ATM: variants seen among roughly 807,000 people sequenced by gnomAD.
ATM encodes serine-protein kinase ATM.
A neutral mutation model predicts 387.0 loss-of-function variants in ATM; 308 were observed. The observed-to-expected ratio is 0.80, with a 90% CI of 0.73 to 0.87. The LOEUF (loss-of-function observed/expected upper bound fraction) is 0.87, where lower values mean the gene tolerates loss of function less well. ATM is among the 40% of genes least tolerant of loss of function. ATM has a pLI of 0.00. For missense variants in ATM, 3,312 were observed against 3,560.9 expected (o/e 0.93, Z 1.78); for synonymous variants, 1,156 against 1,187.3 (o/e 0.97, Z 0.54).
At chr11:108,314,331 C>A (rs550088077) in intron 40 of ATM, among the ~76,000 whole-genome samples, 2 of 152,138 alleles carry the variant, frequency 1.3e-5, no homozygotes, top group African/African-American at 2.4e-5. Context: ...ATCTTGAATT[C>A]CTGAGCTCAA....
At chr11:108,244,194 A>G (rs2135229643) in intron 6 of ATM, 76 bp downstream of exon 6, 2 of 1,529,620 alleles carry the variant, frequency 1.3e-6, no homozygotes, top group Non-Finnish European at 1.8e-6. Context: ...AGACTCAGTA[A>G]CTAAAAATTC....
At position 108,312,451 on chromosome 11, in the gene ATM, T is replaced by C. The variant is rs1421604744; in HGVS notation, c.5959T>C (p.Ser1987Pro). The C allele has an allele frequency of 6.3e-7, 1 of 1,597,044 alleles. No homozygotes were observed. Among genetic ancestry groups the C allele is most frequent in the African/African-American group, 1.3e-5 (1 of 74,616 alleles). ...AGAAGGAAGCCAGAGTACAACTATTTCTAGCTTGAGTGAAAAAAGTAAAGA... is the reference window on the plus strand; with the variant it reads ...AGAAGGAAGCCAGAGTACAACTATTCCTAGCTTGAGTGAAAAAAGTAAAGA... ...FEEGSQSTTI[S>P]SLSEKSKEET... Residue 1987 changes from serine to proline, a missense_variant, in exon 40 of 63, where the codon TCT becomes CCT. Physicochemically the swap from Ser to Pro is moderately conservative, Grantham distance 74 (BLOSUM62 -1). Around this residue, in one of 4 missense-constraint regions of ATM, gnomAD observed 1,405 missense variants for 1,604.4 expected, o/e 0.88. Transcript: ENST00000675843.
intron 26 of ATM, among the ~76,000 whole-genome samples, chr11:108,285,162 G>A (rs2082427671): frequency 6.6e-6 from 1 of 152,082 alleles, no homozygotes; most frequent in Non-Finnish European, 1.5e-5. Context: ...GTTTCACCAT[G>A]TTGGCCAGGC....
rs565487150 is a variant in ATM at position 108,261,554 on chromosome 11, G to A, written c.2466+2479G>A. Among the ~76,000 whole-genome samples, 331 of 152,186 alleles carry A rather than the reference G, an allele frequency of 2.2e-3. 2 individuals are homozygous for A. Among genetic ancestry groups the A allele is most frequent in the Middle Eastern group, 3.4e-3 (1 of 294 alleles). ...GGGAAAAAACAGAACAGAAAAACTG[G>A]AAACTCTAAAAAGCAGAGCGCCTCT... On this transcript the variant is annotated intron_variant, in intron 16 of 62. Coordinates refer to ENST00000675843, the MANE Select transcript of ATM (RefSeq NM_000051.4).
At chr11:108,328,407 C>T (rs555519029) in intron 48 of ATM, among the ~76,000 whole-genome samples, 2 of 152,186 alleles carry the variant, frequency 1.3e-5, no homozygotes, top group East Asian at 3.9e-4. Flanking sequence ...CCACCACACC[C>T]GGCTAATATT....
intron 36 of ATM, among the ~76,000 whole-genome samples, chr11:108,304,002 T>C (rs2083553512): frequency 6.6e-6 from 1 of 152,200 alleles, no homozygotes; most frequent in African/African-American, 2.4e-5. Flanking sequence ...CTTATGTGTG[T>C]GAAGTATGAT....
In ATM at chr11:108,337,212, G is replaced by A. The variant is rs227065; in HGVS notation, c.8268+1251G>A. Among the ~76,000 whole-genome samples the A allele has an allele frequency of 4.8e-3, 724 of 152,256 alleles. 4 individuals carry two copies. The highest frequency in any genetic ancestry group is 0.014 in the Middle Eastern group (4 of 294). ...GACTAAATATAAAACTTATTGGTTG[G>A]GAGAGGGGCATACTGTTCATTAAGG... On this transcript the variant is annotated intron_variant, in intron 56 of 62. Coordinates refer to ENST00000675843, the MANE Select transcript of ATM (RefSeq NM_000051.4).
intron 16 of ATM, among the ~76,000 whole-genome samples, chr11:108,260,945 C>T (rs1236533322): frequency 2.0e-5 from 3 of 152,334 alleles, no homozygotes; most frequent in Non-Finnish European, 4.4e-5. Context: ...TAAAAAACGG[C>T]GCACCACGAG....
intron 45 of ATM, 108 bp from the exon 46 acceptor site, chr11:108,325,202 C>T (rs939131399): frequency 2.6e-6 from 2 of 763,792 alleles, no homozygotes; most frequent in African/African-American, 3.6e-5. Context: ...TACAAAAGTT[C>T]CTTTGTATTA....
chr11:108,314,913 CTGAAATTG>C (rs2136102957), intron 40 of ATM, among the ~76,000 whole-genome samples: 1 of 152,270 alleles, frequency 6.6e-6, no homozygotes, highest in East Asian at 1.9e-4. Context: ...AATCATCTGT[CTGAAATTG>C]TAGGCAACCA....
rs867476867 is a variant in ATM, at chr11:108,359,451, A to G, written c.8850+4577A>G. Among the ~76,000 whole-genome samples the G allele has an allele frequency of 2.8e-4, 42 of 152,234 alleles. No homozygotes were observed. In the South Asian group the frequency reaches 8.7e-3, roughly 32 times the overall value. ...CAGCTCTGCACCAAGCGGACCTAAT[A>G]GACATCTACAGAACTCTCCACCCCA... is the stretch of plus-strand genomic sequence containing the variant. On this transcript the variant is annotated intron_variant, in intron 61 of 62. Transcript: ENST00000675843.
At chr11:108,328,667 A>G (rs1245794835) in intron 48 of ATM, among the ~76,000 whole-genome samples, 1 of 152,238 alleles carries the variant, frequency 6.6e-6, no homozygotes, top group Non-Finnish European at 1.5e-5. Context: ...ACCATAGTTC[A>G]GGGCTGTCCA....
chr11:108,314,854 C>A (rs890030068), intron 40 of ATM, among the ~76,000 whole-genome samples: 2 of 152,172 alleles, frequency 1.3e-5, no homozygotes, highest in African/African-American at 4.8e-5. Context: ...ATTTACAGAA[C>A]TGTACTGTGT....
At chr11:108,305,543 C>T (rs1337008922) in intron 37 of ATM, among the ~76,000 whole-genome samples, 1 of 152,058 alleles carries the variant, frequency 6.6e-6, no homozygotes, top group Non-Finnish European at 1.5e-5. Context: ...GCCAAGATTA[C>T]ACCACTGCAT....
At chr11:108,294,872 T>G in intron 31 of ATM, 55 bp from the exon 32 acceptor site, 1 of 1,603,736 alleles carries the variant, frequency 6.2e-7, no homozygotes, top group Non-Finnish European at 8.5e-7. Flanking sequence ...TATTAAGTTT[T>G]ATTTCACAGG....
At chr11:108,292,341 A>C (rs1481448712) in intron 29 of ATM, among the ~76,000 whole-genome samples, 1 of 152,188 alleles carries the variant, frequency 6.6e-6, no homozygotes, top group African/African-American at 2.4e-5. Flanking sequence ...TTTCCTGATT[A>C]CTGTAAACCT....
At chr11:108,281,290 G>C (rs2082219461) in intron 24 of ATM, 122 bp downstream of exon 24, 1 of 1,032,386 alleles carries the variant, frequency 9.7e-7, no homozygotes. Context: ...TTATTTTTTA[G>C]GTTGGGAATA....
At chr11:108,333,509 GT>G (rs1278691346) in intron 53 of ATM, among the ~76,000 whole-genome samples, 14 of 152,090 alleles carry the variant, frequency 9.2e-5, no homozygotes, top group Non-Finnish European at 1.9e-4. Flanking sequence ...TTCACATATT[GT>G]TTCTCTAAGC....
Position 108,335,535 on chromosome 11 carries a change from T to G in ATM, c.8152-310T>G, listed in dbSNP as rs539224653. Among the ~76,000 whole-genome samples, 3 of 152,294 alleles carry G rather than the reference T, an allele frequency of 2.0e-5. No homozygotes were observed. The East Asian group carries it at 5.8e-4, about 29-fold the overall frequency. On this transcript the variant is annotated intron_variant, in intron 55 of 62. Coordinates refer to ENST00000675843, the MANE Select transcript of ATM (RefSeq NM_000051.4). The stretch of plus-strand genomic sequence containing the variant: ...CCTTACCATTTGCTGACGAGCTCTT[T>G]GGGTCCTACTGGGGAGTGGTGGAAA...
Sources: gnomAD v4.1 joint callset for allele counts (sites outside exome capture counted in the v4.1 genomes callset) on GRCh38, gnomAD v4.1.1 for gene constraint, gnomAD v4.1.1 regional missense constraint, MANE v1.5 for transcripts, NCBI Gene and HGNC (gene_info 2026-07-23, HGNC 2026-07-21) for gene names.